Variants in PDE7B observed in about 807,000 individuals in gnomAD.
PDE7B encodes 3',5'-cyclic-AMP phosphodiesterase 7B.
Under a neutral mutation model 56.2 loss-of-function variants are expected in PDE7B, and 29 were observed. That is an observed-to-expected ratio of 0.52 (90% CI 0.38 to 0.70). PDE7B has a LOEUF of 0.70. PDE7B is among the 30% of genes least tolerant of loss of function. The pLI is 0.00. For missense variants in PDE7B, 490 were observed against 565.0 expected (o/e 0.87, Z 1.35); for synonymous variants, 197 against 196.9 (o/e 1.00, Z 0.00).
chr6:136,106,558 C>A (rs909499008), intron 2 of PDE7B, among the ~76,000 whole-genome samples: 2 of 152,176 alleles, frequency 1.3e-5, no homozygotes, highest in African/African-American at 4.8e-5. Context: ...TATATCAGGA[C>A]TTTAAGGGGC....
chr6:135,916,567 A>G (rs967083796), intron 1 of PDE7B, among the ~76,000 whole-genome samples: 1 of 150,556 alleles, frequency 6.6e-6, no homozygotes, highest in Non-Finnish European at 1.5e-5. Flanking sequence ...TAATTTTTGT[A>G]TTTTTAGTAG....
chr6:135,954,377 G>A (rs1046825974), intron 2 of PDE7B, among the ~76,000 whole-genome samples: 12 of 152,096 alleles, frequency 7.9e-5, no homozygotes, highest in African/African-American at 2.4e-4. Flanking sequence ...GTCAAAGATC[G>A]GTTGGCCTAG....
intron 2 of PDE7B, among the ~76,000 whole-genome samples, chr6:136,041,232 TA>T (rs1372723548): frequency 1.3e-5 from 2 of 152,214 alleles, no homozygotes; most frequent in Non-Finnish European, 2.9e-5. Context: ...AGGGCATCAT[TA>T]TTTTTACGCA....
intron 1 of PDE7B, among the ~76,000 whole-genome samples, chr6:135,934,824 A>ATTT (rs1441283171): frequency 1.6e-5 from 1 of 64,230 alleles, no homozygotes; most frequent in African/African-American, 5.5e-5. Flanking sequence ...ATATATATTT[A>ATTT]ATAAATAAAT....
chr6:135,892,587 C>T (rs559801203), intron 1 of PDE7B, among the ~76,000 whole-genome samples: 67 of 152,106 alleles, frequency 4.4e-4, no homozygotes, highest in African/African-American at 1.6e-3. Context: ...TACATAGTAT[C>T]GGGTAATAGG....
chr6:135,931,641 A>C (rs948587746), intron 1 of PDE7B, among the ~76,000 whole-genome samples: 4 of 152,194 alleles, frequency 2.6e-5, no homozygotes, highest in Non-Finnish European at 4.4e-5. Flanking sequence ...AAGTGTTACA[A>C]GGGAATGTCT....
chr6:136,037,644 G>T (rs1413047654), intron 2 of PDE7B: 11 of 985,284 alleles, frequency 1.1e-5, no homozygotes, highest in Non-Finnish European at 1.3e-5. Flanking sequence ...GGGCTTGCAG[G>T]CCTGAGCCTG....
intron 1 of PDE7B, among the ~76,000 whole-genome samples, chr6:135,927,992 C>T (rs1366813492): frequency 6.6e-6 from 1 of 152,030 alleles, no homozygotes; most frequent in East Asian, 1.9e-4. Flanking sequence ...GCAGACACTT[C>T]TCAAAAGAAG....
chr6:136,050,815 G>C (rs1776609260), intron 2 of PDE7B, among the ~76,000 whole-genome samples: 1 of 152,102 alleles, frequency 6.6e-6, no homozygotes, highest in African/African-American at 2.4e-5. Context: ...TTTCTTTCCT[G>C]CTTCTATAAG....
chr6:136,180,253 C>T (rs1779041218), intron 10 of PDE7B, among the ~76,000 whole-genome samples: 1 of 152,172 alleles, frequency 6.6e-6, no homozygotes, highest in Admixed American at 6.5e-5. Context: ...CTTCTAGTCC[C>T]TGAATGCCAC....
At chr6:136,159,000 A>G (rs1017561245) in intron 8 of PDE7B, among the ~76,000 whole-genome samples, 2 of 152,138 alleles carry the variant, frequency 1.3e-5, no homozygotes, top group Non-Finnish European at 2.9e-5. Context: ...AACAACATGG[A>G]CTCTATCATT....
intron 2 of PDE7B, among the ~76,000 whole-genome samples, chr6:136,050,587 A>T (rs1318000774): frequency 6.6e-6 from 1 of 152,158 alleles, no homozygotes; most frequent in African/African-American, 2.4e-5. Context: ...CTGGAGGTAG[A>T]ATTTCAAGCA....
chr6:136,035,476 A>G lies in PDE7B; in HGVS notation c.83-73255A>G, dbSNP rs1776312172. On this transcript the variant is annotated intron_variant, in intron 2 of 12. Coordinates refer to ENST00000308191, the MANE Select transcript of PDE7B (RefSeq NM_018945.4). ...AAATTTCCGAGCCAAGCTTTCTCGC[A>G]AGATTTCCTGTACTTCCTGTTTCTA... is the stretch of plus-strand genomic sequence containing the variant. Among the ~76,000 whole-genome samples, 3 of 152,344 alleles carry G rather than the reference A, an allele frequency of 2.0e-5. No individual in the cohort carries two copies. In the South Asian group the frequency reaches 6.2e-4, roughly 32 times the overall value.
At chr6:135,991,676 C>T (rs1257879363) in intron 2 of PDE7B, among the ~76,000 whole-genome samples, 5 of 152,012 alleles carry the variant, frequency 3.3e-5, no homozygotes, top group South Asian at 2.1e-4. Flanking sequence ...AATTTTTCTT[C>T]GAATGCTTTT....
At chr6:136,086,968 G>C (rs1251450505) in intron 2 of PDE7B, among the ~76,000 whole-genome samples, 1 of 152,146 alleles carries the variant, frequency 6.6e-6, no homozygotes, top group African/African-American at 2.4e-5. Flanking sequence ...GGGGGAGAGA[G>C]CGCCTTCACA....
At chr6:135,920,329 T>C (rs1774049368) in intron 1 of PDE7B, among the ~76,000 whole-genome samples, 1 of 152,182 alleles carries the variant, frequency 6.6e-6, no homozygotes, top group Non-Finnish European at 1.5e-5. Flanking sequence ...GGTTGGCATA[T>C]AGCATGTCAA....
At chr6:135,909,003 T>C (rs576349234) in intron 1 of PDE7B, among the ~76,000 whole-genome samples, 2 of 152,322 alleles carry the variant, frequency 1.3e-5, no homozygotes, top group Admixed American at 1.3e-4. Flanking sequence ...GATAAGTGGA[T>C]TTTGTTAGTT....
chr6:135,898,211 A>G (rs1461849123), intron 1 of PDE7B, among the ~76,000 whole-genome samples: 1 of 152,150 alleles, frequency 6.6e-6, no homozygotes, highest in Admixed American at 6.5e-5. Flanking sequence ...TAGATTAAAA[A>G]CTACACTAAT....
At chr6:136,009,890 A>T (rs112118618) in intron 2 of PDE7B, among the ~76,000 whole-genome samples, 2,031 of 152,270 alleles carry the variant, frequency 0.013, 56 homozygotes, top group African/African-American at 0.045. Context: ...AATATTTTCA[A>T]AAAACTAACT....
Sources: gnomAD v4.1 joint callset for allele counts (sites outside exome capture counted in the v4.1 genomes callset) on GRCh38, gnomAD v4.1.1 for gene constraint, MANE v1.5 for transcripts, NCBI Gene and HGNC (gene_info 2026-07-23, HGNC 2026-07-21) for gene names.